Variants in USP40 observed in about 807,000 individuals in gnomAD.
The protein encoded by USP40 is ubiquitin specific peptidase 40.
In USP40, 143 loss-of-function variants were observed where a neutral mutation model predicts 166.2. The ratio of observed to expected loss-of-function variants is 0.86; its 90% CI spans 0.75 to 0.99. USP40 has a LOEUF of 0.99. Ranked by LOEUF, USP40 falls within the 50% of genes least tolerant of loss-of-function variation. The pLI is 0.00. For synonymous variants in USP40, 498 were observed against 524.0 expected, an observed-to-expected ratio of 0.95 and a Z score of 0.68; for missense variants, 1,444 against 1,479.7, an observed-to-expected ratio of 0.98 and a Z score of 0.40.
At chr2:233,512,682 A>T in intron 18 of USP40, 60 bp from the exon 19 acceptor site, 4 of 783,242 alleles carry the variant, frequency 5.1e-6, no homozygotes, top group Non-Finnish European at 5.5e-6. Context: ...CCTTCATCCT[A>T]TTATCAAAAT....
intron 15 of USP40, 25 bp downstream of exon 15, chr2:233,524,467 A>G: frequency 1.3e-6 from 2 of 1,590,058 alleles, no homozygotes; most frequent in East Asian, 2.3e-5. Context: ...ATTATCACGA[A>G]TATTTCTTCA....
In USP40 at chr2:233,533,570, G is replaced by T. The variant is rs909691135; in HGVS notation, c.1380C>A (p.Ile460=). Residue 460 remains isoleucine, a synonymous_variant, in exon 11 of 32, where the codon ATC becomes ATA. Coordinates refer to ENST00000678225, the MANE Select transcript of USP40 (RefSeq NM_001365479.2). The part of the protein sequence containing the change: ...FDINDSKVQP[I]REKDIEQQFQ... The stretch of plus-strand genomic sequence containing the variant: ...ATTGCTGTTCAATATCCTTTTCCCT[G>T]ATTGGCTGGACTTTAGAATCATTTA... 7 of 1,613,682 alleles carry T rather than the reference G, an allele frequency of 4.3e-6. No individual in the cohort carries two copies. The highest frequency in any genetic ancestry group is 3.3e-5 in the Admixed American group (2 of 59,974).
intron 2 of USP40, among the ~76,000 whole-genome samples, chr2:233,563,403 A>T (rs1393775020): frequency 6.6e-6 from 1 of 152,162 alleles, no homozygotes; most frequent in Non-Finnish European, 1.5e-5. Context: ...TCTGTATCCG[A>T]GCCTAGGTAG....
intron 21 of USP40, among the ~76,000 whole-genome samples, chr2:233,506,740 CAAAAAAAAAA>C (rs1227656570): frequency 3.7e-5 from 2 of 53,848 alleles, no homozygotes; most frequent in African/African-American, 1.0e-4. Context: ...ACCGAAAATA[CAAAAAAAAAA>C]AAAAAAAAAA....
At chr2:233,536,884 G>A (rs887181826) in intron 10 of USP40, among the ~76,000 whole-genome samples, 40 of 151,740 alleles carry the variant, frequency 2.6e-4, no homozygotes, top group Admixed American at 7.2e-4. Context: ...AGGTTTTTTT[G>A]TTTCCTTTTT....
chr2:233,565,792 C>G (rs4047262), intron 1 of USP40, among the ~76,000 whole-genome samples: 4,677 of 152,022 alleles, frequency 0.031, 227 homozygotes, highest in African/African-American at 0.11. Flanking sequence ...AATCTGTTTT[C>G]TTATGTGTAA....
At chr2:233,529,604 G>C in intron 11 of USP40, 92 bp from the exon 12 acceptor site, 3 of 813,786 alleles carry the variant, frequency 3.7e-6, no homozygotes, top group Non-Finnish European at 5.6e-6. Context: ...ACTGTCCTAG[G>C]AGCTAGGAAA....
intron 4 of USP40, 117 bp downstream of exon 4, chr2:233,559,694 A>T (rs1036211129): frequency 3.4e-6 from 2 of 588,254 alleles, no homozygotes; most frequent in African/African-American, 1.9e-5. Context: ...AGAAGGAAAC[A>T]TTCAAACAAT....
intron 20 of USP40, among the ~76,000 whole-genome samples, chr2:233,510,392 C>CTTTTTTTTTTTTTTTTTTTTTTTTTTT (rs1158427662): frequency 1.5e-5 from 1 of 68,690 alleles, no homozygotes. Context: ...CTTTTTCTTT[C>CTTTTTTTTTTTTTTTTTTTTTTTTTTT]TTTTTTTTTT....
At chr2:233,508,782 C>T (rs117196088) in intron 21 of USP40, among the ~76,000 whole-genome samples, 1,945 of 152,206 alleles carry the variant, frequency 0.013, 39 homozygotes, top group East Asian at 0.084. Context: ...TTATTTTTTA[C>T]CTTTATGATT....
chr2:233,552,321 T>C (rs1192065587), intron 6 of USP40, among the ~76,000 whole-genome samples: 1 of 151,634 alleles, frequency 6.6e-6, no homozygotes, highest in Non-Finnish European at 1.5e-5. Flanking sequence ...AATTCAACTA[T>C]AATGTGGCTG....
intron 6 of USP40, among the ~76,000 whole-genome samples, chr2:233,552,148 T>C (rs927173254): frequency 1.3e-4 from 19 of 150,594 alleles, no homozygotes; most frequent in African/African-American, 4.2e-4. Context: ...CCCATAATCA[T>C]ATATATCTAA....
chr2:233,565,483 T>C lies in USP40; in HGVS notation c.72A>G (p.Leu24=), dbSNP rs558186938. 3.3e-6 allele frequency: 5 copies of C among 1,537,324 alleles called. No individual in the cohort carries two copies. The highest frequency in any genetic ancestry group is 2.7e-5 in the African/African-American group (2 of 73,162). The change falls in exon 2 of 32, where the codon TTA becomes TTG. Residue 24 remains leucine (L), a synonymous_variant. Coordinates refer to ENST00000678225, the MANE Select transcript of USP40 (RefSeq NM_001365479.2). ...CAGGTGGCTCCAAAGCTTTAGTCTTTAATTTCTTCCCTTTTCCATACTGAT... is the reference window on the plus strand; with the variant it reads ...CAGGTGGCTCCAAAGCTTTAGTCTTCAATTTCTTCCCTTTTCCATACTGAT... The part of the protein sequence containing the change: ...SNNQYGKGKK[L]KTKALEPPAP...
At chr2:233,499,763 C>T (rs1344255685) in intron 22 of USP40, 116 bp downstream of exon 22, 2 of 802,374 alleles carry the variant, frequency 2.5e-6, no homozygotes, top group Admixed American at 5.7e-5. Flanking sequence ...GTGTAAACTA[C>T]TTTTTATTTC....
chr2:233,483,263 G>A (rs962639180), intron 30 of USP40, among the ~76,000 whole-genome samples: 2 of 152,176 alleles, frequency 1.3e-5, no homozygotes, highest in East Asian at 1.9e-4. Context: ...GCTGAGGCAG[G>A]TGAACTGCCT....
At chr2:233,566,157 G>A (rs2072125051) in intron 1 of USP40, among the ~76,000 whole-genome samples, 1 of 151,926 alleles carries the variant, frequency 6.6e-6, no homozygotes, top group Non-Finnish European at 1.5e-5. Flanking sequence ...TCACTGGGGA[G>A]GGAGGGGGGA....
Position 233,498,534 on chromosome 2 carries a change from A to G in USP40, c.2715+14T>C, listed in dbSNP as rs1288079531. On this transcript the variant is annotated intron_variant, in intron 23 of 31. Coordinates refer to ENST00000678225, the MANE Select transcript of USP40 (RefSeq NM_001365479.2). ...GTAATCATACGAAAGTACAATGTAT[A>G]GAAATCATCTTACTTCTTCACATAA... is the stretch of plus-strand genomic sequence containing the variant. The G allele has an allele frequency of 6.2e-7, 1 of 1,609,736 alleles. No individual in the cohort carries two copies. Among genetic ancestry groups the G allele is most frequent in the Non-Finnish European group, 8.5e-7 (1 of 1,177,690 alleles).
chr2:233,553,649 A>C (rs181053062), intron 6 of USP40, among the ~76,000 whole-genome samples: 2 of 152,262 alleles, frequency 1.3e-5, no homozygotes, highest in African/African-American at 4.8e-5. Context: ...GTTGCCTCTC[A>C]TTTCTCCTCT....
At position 233,510,125 on chromosome 2, in the gene USP40, A is replaced by T. The variant is rs1387893237; in HGVS notation, c.2537T>A (p.Phe846Tyr). The T allele has an allele frequency of 1.9e-6, 3 of 1,600,884 alleles. No homozygotes were observed. The Admixed American group carries it at 5.1e-5, about 27-fold the overall frequency. Residue 846 changes from phenylalanine to tyrosine, a missense_variant, in exon 21 of 32, where the codon TTT (phenylalanine) becomes TAT (tyrosine). By Grantham distance (22) the Phe-to-Tyr change is conservative. Coordinates refer to ENST00000678225, the MANE Select transcript of USP40 (RefSeq NM_001365479.2). ...TTGAACGTCACTCCCCATTGCAAAA[A>T]ACAGGAACAACTAATAACAAGACAG... is the stretch of plus-strand genomic sequence containing the variant. Reference protein sequence around the residue: ...KAPSSSQLFLFFAMGSDVQPG... With the variant: ...KAPSSSQLFLYFAMGSDVQPG...
Sources: allele counts gnomAD v4.1 joint callset (sites outside exome capture counted in the v4.1 genomes callset), GRCh38; gene constraint gnomAD v4.1.1; transcripts MANE v1.5; gene names NCBI Gene and HGNC (gene_info 2026-07-23, HGNC 2026-07-21).